Variants in SLC25A30 observed in about 807,000 individuals in gnomAD.
SLC25A30 encodes the protein solute carrier family 25 member 30.
A neutral mutation model predicts 42.7 loss-of-function variants in SLC25A30; 29 were observed. The ratio of observed to expected loss-of-function variants is 0.68; its 90% CI spans 0.51 to 0.93. The LOEUF (loss-of-function observed/expected upper bound fraction) is 0.93, where lower values mean the gene tolerates loss of function less well. Ranked by LOEUF, SLC25A30 falls within the 40% of genes least tolerant of loss-of-function variation. The pLI is 0.00. For synonymous variants in SLC25A30, 124 were observed against 131.0 expected (o/e 0.95, Z 0.37); for missense variants, 300 against 359.7 (o/e 0.83, Z 1.34).
the SLC25A30 span, among the ~76,000 whole-genome samples, chr13:45,425,300 G>A: frequency 1.3e-4 from 12 of 92,370 alleles, no homozygotes; most frequent in East Asian, 1.1e-3. Context: ...GTATATATAC[G>A]TATATATAAA....
rs1017915905 is a variant in SLC25A30 at position 45,395,317 on chromosome 13, C to T, written c.*657G>A. On this transcript the variant is annotated 3_prime_UTR_variant, in exon 10 of 10. Transcript: ENST00000519676. ...CCTTCAAAGCCAACACATAACACCA[C>T]CACGAATTTAGAGATTATTACTTTG... 21 of 986,080 alleles carry T rather than the reference C, an allele frequency of 2.1e-5. No individual in the cohort carries two copies. Among genetic ancestry groups the T allele is most frequent in the Non-Finnish European group, 2.2e-5 (18 of 830,470 alleles). 61.1% of individuals were successfully genotyped at this position (986,080 alleles called of 1,614,324 possible).
At chr13:45,432,887 T>A in the SLC25A30 span, among the ~76,000 whole-genome samples, 5 of 150,664 alleles carry the variant, frequency 3.3e-5, no homozygotes, top group Admixed American at 2.6e-4. Flanking sequence ...CAAAAAAAAA[T>A]TAGCTGGGCA....
Position 45,414,054 on chromosome 13 carries a change from G to A in SLC25A30, c.-55-2574C>T, listed in dbSNP as rs527450948. Among the ~76,000 whole-genome samples, 8 of 152,296 alleles carry A rather than the reference G, an allele frequency of 5.3e-5. 1 individual carries two copies. In the South Asian group the frequency reaches 1.7e-3, roughly 32 times the overall value. On this transcript the variant is annotated intron_variant, in intron 1 of 9. Coordinates refer to ENST00000519676, the MANE Select transcript of SLC25A30 (RefSeq NM_001010875.4). ...GAATCACATGCCCATTCATTCAGAAGTACCACCAATAAAACTTTTCTACAA... is the reference window on the plus strand; with the variant it reads ...GAATCACATGCCCATTCATTCAGAAATACCACCAATAAAACTTTTCTACAA...
At chr13:45,397,167 T>G (rs1227984109) in intron 9 of SLC25A30, 91 bp downstream of exon 9, 1 of 915,916 alleles carries the variant, frequency 1.1e-6, no homozygotes, top group Admixed American at 2.6e-5. Flanking sequence ...CAGAACCTAC[T>G]TCTAAATTAT....
At chr13:45,408,267 G>A (rs1337215275) in intron 3 of SLC25A30, among the ~76,000 whole-genome samples, 1 of 152,138 alleles carries the variant, frequency 6.6e-6, no homozygotes, top group Non-Finnish European at 1.5e-5. Context: ...ATGAATGTGG[G>A]CCTAATGTTG....
chr13:45,432,697 T>G, the SLC25A30 span, among the ~76,000 whole-genome samples: 9 of 150,764 alleles, frequency 6.0e-5, no homozygotes, highest in South Asian at 2.1e-4. Context: ...GCCAGGTATA[T>G]CTATAGGACA....
chr13:45,414,281 T>G (rs1397659776), intron 1 of SLC25A30, among the ~76,000 whole-genome samples: 1 of 152,076 alleles, frequency 6.6e-6, no homozygotes, highest in Non-Finnish European at 1.5e-5. Flanking sequence ...TAATTTGGCT[T>G]AAATATGAAC....
At chr13:45,406,792 T>C (rs1215231561) in intron 3 of SLC25A30, among the ~76,000 whole-genome samples, 3 of 152,234 alleles carry the variant, frequency 2.0e-5, no homozygotes, top group African/African-American at 7.2e-5. Context: ...TTTGTCCTAC[T>C]TGTAGCTGTC....
chr13:45,430,786 AAC>A, the SLC25A30 span, among the ~76,000 whole-genome samples: 1 of 152,138 alleles, frequency 6.6e-6, no homozygotes, highest in South Asian at 2.1e-4. Context: ...CAGTCTGGGT[AAC>A]ACAGTGAGAC....
rs1253069794 is a variant in SLC25A30, at chr13:45,394,011, A to C, written c.*1963T>G. On this transcript the variant is annotated 3_prime_UTR_variant, in exon 10 of 10. Transcript: ENST00000519676. ...TCTACATTAAAAAAAGAGCATTTCAAGAAAAGCAATCTTTAAACTCAAAGA... is the reference window on the plus strand; with the variant it reads ...TCTACATTAAAAAAAGAGCATTTCACGAAAAGCAATCTTTAAACTCAAAGA... 21 of 985,108 alleles carry C rather than the reference A, an allele frequency of 2.1e-5. No individual in the cohort carries two copies. The highest frequency in any genetic ancestry group is 6.1e-5 in the Admixed American group (1 of 16,274). 61.0% of individuals were successfully genotyped at this position (985,108 alleles called of 1,614,324 possible). A position where few individuals can be genotyped will look rare whatever the true frequency, so the allele number is the denominator to read the frequency against.
intron 5 of SLC25A30, chr13:45,402,754 G>A (rs1176294075): frequency 1.0e-6 from 1 of 984,562 alleles, no homozygotes; most frequent in African/African-American, 1.7e-5. Context: ...GTTATCCAGT[G>A]TACCTGGCAG....
intron 4 of SLC25A30, 98 bp from the exon 5 acceptor site, chr13:45,404,510 C>T: frequency 2.4e-6 from 2 of 845,880 alleles, no homozygotes; most frequent in Non-Finnish European, 4.0e-6. Context: ...TACTTGTTCA[C>T]CTTAAGATGT....
At chr13:45,421,173 G>A (rs1379743184), upstream of SLC25A30, among the ~76,000 whole-genome samples, 1 of 152,126 alleles carries the variant, frequency 6.6e-6, no homozygotes, top group East Asian at 1.9e-4. Flanking sequence ...GAGGTCAGGA[G>A]TACAAGACTA....
the SLC25A30 span, among the ~76,000 whole-genome samples, chr13:45,432,439 A>T: frequency 6.6e-6 from 1 of 152,134 alleles, no homozygotes; most frequent in East Asian, 1.9e-4. Context: ...AAACATTGCT[A>T]TCATTATTAT....
upstream of SLC25A30, among the ~76,000 whole-genome samples, chr13:45,421,438 C>T (rs951094760): frequency 1.3e-5 from 2 of 149,800 alleles, no homozygotes; most frequent in African/African-American, 2.5e-5. Flanking sequence ...AATATATCTA[C>T]GAACTATTCA....
the SLC25A30 span, among the ~76,000 whole-genome samples, chr13:45,424,855 T>TATATTTAA: frequency 1.7e-5 from 1 of 58,712 alleles, no homozygotes; most frequent in African/African-American, 6.8e-5. Flanking sequence ...TATATAAATA[T>TATATTTAA]ATATATAAAA....
At chr13:45,397,917 C>T (rs190410646) in intron 8 of SLC25A30, 125 of 985,518 alleles carry the variant, frequency 1.3e-4, no homozygotes, top group Non-Finnish European at 1.4e-4. Flanking sequence ...ATTCCAATTA[C>T]GGTCTGTTGC....
At chr13:45,425,251 T>A in the SLC25A30 span, among the ~76,000 whole-genome samples, 1 of 105,216 alleles carries the variant, frequency 9.5e-6, no homozygotes, top group African/African-American at 3.9e-5. Flanking sequence ...TATATAAATA[T>A]ATATACGTAT....
chr13:45,423,306 T>C (rs986928927), upstream of SLC25A30, among the ~76,000 whole-genome samples: 2 of 151,658 alleles, frequency 1.3e-5, no homozygotes, highest in Non-Finnish European at 2.9e-5. Flanking sequence ...CTAGACACAA[T>C]AGTAAGAACA....
Sources: allele counts gnomAD v4.1 joint callset (sites outside exome capture counted in the v4.1 genomes callset), GRCh38; gene constraint gnomAD v4.1.1; transcripts MANE v1.5; gene names NCBI Gene and HGNC (gene_info 2026-07-23, HGNC 2026-07-21).